The following IQGAP2 variants were observed in gnomAD, a reference collection of about 807,000 sequenced individuals.
IQGAP2 encodes the protein IQ motif containing GTPase activating protein 2, also known as ras GTPase-activating-like protein IQGAP2.
IQGAP2 carries 173 observed loss-of-function variants against 201.3 expected under a neutral mutation model. The observed-to-expected ratio is 0.86, with a 90% CI of 0.76 to 0.98. The LOEUF is 0.98. Ranked by LOEUF, IQGAP2 falls within the 50% of genes least tolerant of loss-of-function variation. The pLI is 0.00. For missense variants in IQGAP2, 1,687 were observed against 1,864.8 expected (o/e 0.90, Z 1.76); for synonymous variants, 675 against 673.9 (o/e 1.00, Z -0.03).
chr5:76,510,662 A>G (rs1757907040), intron 2 of IQGAP2: 2 of 536,296 alleles, frequency 3.7e-6, no homozygotes, highest in Admixed American at 2.0e-5. Context: ...GGGGACTGCC[A>G]CCGCTAAACA....
chr5:76,698,273 TAG>T, intron 33 of IQGAP2, 126 bp downstream of exon 33: 1 of 607,638 alleles, frequency 1.6e-6, no homozygotes, highest in Non-Finnish European at 2.8e-6. Flanking sequence ...AACCGAAAAC[TAG>T]AGTCTCAGTT....
intron 8 of IQGAP2, 115 bp downstream of exon 8, chr5:76,590,701 C>A: frequency 1.3e-6 from 1 of 762,858 alleles, no homozygotes; most frequent in Non-Finnish European, 2.1e-6. Flanking sequence ...TTCTCTATAG[C>A]CGTAGACAAT....
At chr5:76,456,337 T>A (rs1754083248) in intron 1 of IQGAP2, among the ~76,000 whole-genome samples, 1 of 152,228 alleles carries the variant, frequency 6.6e-6, no homozygotes, top group Non-Finnish European at 1.5e-5. Context: ...AGGGTTTGCC[T>A]ATTTTTCAAA....
chr5:76,436,488 TATATATATATATATATATATATATATATA>T (rs1752662288), intron 1 of IQGAP2, among the ~76,000 whole-genome samples: 37 of 13,938 alleles, frequency 2.7e-3, no homozygotes, highest in African/African-American at 0.015. Flanking sequence ...TATATATATA[TATATATATATATATATATATATATATATA>T]TTTTTTTTTT....
At chr5:76,552,336 C>T (rs974575118) in intron 2 of IQGAP2, among the ~76,000 whole-genome samples, 1 of 152,190 alleles carries the variant, frequency 6.6e-6, no homozygotes, top group Non-Finnish European at 1.5e-5. Flanking sequence ...ATTGTCCAGT[C>T]ACACTGTTGG....
chr5:76,625,245 A>G (rs1251632722), intron 13 of IQGAP2, among the ~76,000 whole-genome samples: 1 of 152,170 alleles, frequency 6.6e-6, no homozygotes, highest in Admixed American at 6.5e-5. Flanking sequence ...TTGAAGTAAG[A>G]TTGTTACTGC....
At chr5:76,648,554 C>T (rs1752266597) in intron 17 of IQGAP2, among the ~76,000 whole-genome samples, 1 of 152,072 alleles carries the variant, frequency 6.6e-6, no homozygotes, top group Non-Finnish European at 1.5e-5. Context: ...TTCCTAGGTG[C>T]CCACACAGAA....
intron 1 of IQGAP2, among the ~76,000 whole-genome samples, chr5:76,436,518 T>TATATATA (rs1439729076): frequency 5.1e-5 from 1 of 19,722 alleles, no homozygotes; most frequent in Non-Finnish European, 7.2e-5. Flanking sequence ...TATATATATA[T>TATATATA]TTTTTTTTTT....
chr5:76,635,171 T>G (rs186910095), intron 15 of IQGAP2, among the ~76,000 whole-genome samples: 48 of 152,358 alleles, frequency 3.2e-4, no homozygotes, highest in Non-Finnish European at 3.4e-4. Context: ...CCTAATTTCA[T>G]ATTCATCCTG....
rs141510422 is a variant in IQGAP2 at position 76,425,521 on chromosome 5, C to T, written c.46+21930C>T. Among the ~76,000 whole-genome samples the T allele has an allele frequency of 1.0e-3, 157 of 152,038 alleles. 1 individual carries two copies. The highest frequency in any genetic ancestry group is 1.9e-3 in the Non-Finnish European group (130 of 67,974). On this transcript the variant is annotated intron_variant, in intron 1 of 35. Transcript: ENST00000274364. ...TAGGGAAGTTAGAACCTAAATAGTACGGGGAAAGGACTGAAAGGAAATGTG... is the reference window on the plus strand; with the variant it reads ...TAGGGAAGTTAGAACCTAAATAGTATGGGGAAAGGACTGAAAGGAAATGTG...
rs770978497 is a variant in IQGAP2, at chr5:76,575,690, C to T, written c.382-3C>T. 1 of 1,542,932 alleles carries T rather than the reference C, an allele frequency of 6.5e-7. No individual in the cohort carries two copies. Among genetic ancestry groups the T allele is most frequent in the Non-Finnish European group, 8.8e-7 (1 of 1,133,258 alleles). On this transcript the variant is annotated splice_polypyrimidine_tract_variant and splice_region_variant and intron_variant, in intron 4 of 35. Transcript: ENST00000274364. ...AATAAATATTGTTTCTTTTGTTTTC[C>T]AGATATTTTATCCAGAAACAACAGA...
chr5:76,632,814 G>A (rs1484117947), intron 15 of IQGAP2, among the ~76,000 whole-genome samples: 7 of 148,956 alleles, frequency 4.7e-5, no homozygotes, highest in Non-Finnish European at 3.0e-5. Context: ...AGAGCTTAAG[G>A]AAAAAAAAAA....
At chr5:76,632,971 C>T (rs1342590729) in intron 15 of IQGAP2, among the ~76,000 whole-genome samples, 1 of 152,150 alleles carries the variant, frequency 6.6e-6, no homozygotes, top group Non-Finnish European at 1.5e-5. Context: ...GGCATCTGGT[C>T]ACCCTTGAGT....
At chr5:76,589,210 G>A (rs534865522) in intron 6 of IQGAP2, among the ~76,000 whole-genome samples, 102 of 151,906 alleles carry the variant, frequency 6.7e-4, no homozygotes, top group African/African-American at 2.3e-3. Context: ...TACTTGGGAG[G>A]CTGAGGCAGG....
At chr5:76,535,848 G>C (rs887467539) in intron 2 of IQGAP2, among the ~76,000 whole-genome samples, 1 of 152,176 alleles carries the variant, frequency 6.6e-6, no homozygotes, top group African/African-American at 2.4e-5. Context: ...AAATTACAGA[G>C]AATGTCGGAA....
intron 10 of IQGAP2, among the ~76,000 whole-genome samples, chr5:76,599,493 G>T (rs755608988): frequency 1.3e-5 from 2 of 152,054 alleles, no homozygotes; most frequent in Non-Finnish European, 2.9e-5. Flanking sequence ...CCACGGACAG[G>T]TCACTGAAAG....
chr5:76,692,892 C>T (rs922465849), intron 30 of IQGAP2, among the ~76,000 whole-genome samples: 1 of 152,168 alleles, frequency 6.6e-6, no homozygotes, highest in Non-Finnish European at 1.5e-5. Flanking sequence ...GGAAAGGTAA[C>T]AGTTGGTCTG....
At chr5:76,624,304 T>C (rs1370615876) in intron 13 of IQGAP2, 1 of 152,192 alleles carries the variant, frequency 6.6e-6, no homozygotes, top group Non-Finnish European at 1.5e-5. Flanking sequence ...TTTTCTGTAG[T>C]TAATAAAACT....
chr5:76,629,982 T>G (rs561568030), intron 14 of IQGAP2, among the ~76,000 whole-genome samples: 5 of 152,304 alleles, frequency 3.3e-5, no homozygotes, highest in Admixed American at 2.6e-4. Context: ...GCAAGCGCAT[T>G]GAAGTTAATC....
Sources: gnomAD v4.1 joint callset for allele counts (sites outside exome capture counted in the v4.1 genomes callset) on GRCh38, gnomAD v4.1.1 for gene constraint, MANE v1.5 for transcripts, NCBI Gene and HGNC (gene_info 2026-07-23, HGNC 2026-07-21) for gene names.